The following GALNT18 variants were observed in gnomAD, a reference collection of about 807,000 sequenced individuals.
GALNT18 encodes the protein polypeptide N-acetylgalactosaminyltransferase 18.
A neutral mutation model predicts 69.5 loss-of-function variants in GALNT18; 44 were observed. That is an observed-to-expected ratio of 0.63 (90% CI 0.50 to 0.81). GALNT18 has a LOEUF of 0.81. GALNT18 is among the 40% of genes least tolerant of loss of function. The pLI is 0.00. For missense variants in GALNT18, 715 were observed against 810.0 expected (o/e 0.88, Z 1.42); for synonymous variants, 364 against 318.2 (o/e 1.14, Z -1.53).
Position 11,582,712 on chromosome 11 carries a change from A to T in GALNT18, c.235+38647T>A, listed in dbSNP as rs1055076698. On this transcript the variant is annotated intron_variant, in intron 1 of 10. Coordinates refer to ENST00000227756, the MANE Select transcript of GALNT18 (RefSeq NM_198516.3). The surrounding 1 kb of genome is among the most constrained non-coding windows in gnomAD (Gnocchi z 5.0). ...GTTGCTCCAGCATAACCCAGTGGAA[A>T]CTAACCAACACAGCCTTTCAGCCCT... 1.3e-5 allele frequency among the ~76,000 whole-genome samples: 2 copies of T among 152,258 alleles called. No individual in the cohort carries two copies. The highest frequency in any genetic ancestry group is 6.5e-5 in the Admixed American group (1 of 15,292).
At chr11:11,277,021 C>A (rs964564876) in intron 10 of GALNT18, among the ~76,000 whole-genome samples, 8 of 152,142 alleles carry the variant, frequency 5.3e-5, no homozygotes, top group African/African-American at 1.9e-4. Flanking sequence ...TGCTGCTGGC[C>A]TCATAAAATG....
At chr11:11,571,335 G>T (rs536711659) in intron 1 of GALNT18, among the ~76,000 whole-genome samples, 2 of 152,336 alleles carry the variant, frequency 1.3e-5, no homozygotes, top group African/African-American at 4.8e-5. Flanking sequence ...ACTTTGTGTG[G>T]TGGAAACAGA....
chr11:11,415,781 G>A lies in GALNT18; in HGVS notation c.595+16840C>T, dbSNP rs1854841022. 6.6e-6 allele frequency among the ~76,000 whole-genome samples: 1 copy of A among 152,134 alleles called. No individual in the cohort carries two copies. The highest frequency in any genetic ancestry group is 2.1e-4 in the South Asian group (1 of 4,824). On this transcript the variant is annotated intron_variant, in intron 3 of 10. Transcript: ENST00000227756. The surrounding 1 kb of genome is among the most constrained non-coding windows in gnomAD (Gnocchi z 4.1). ...TCCACCCATCTCATTTGCAAAGCAGGAGGGTGGGATTTGTTTTTCCTGCCA... is the reference window on the plus strand; with the variant it reads ...TCCACCCATCTCATTTGCAAAGCAGAAGGGTGGGATTTGTTTTTCCTGCCA...
At position 11,601,954 on chromosome 11, in the gene GALNT18, C is replaced by A. The variant is rs1401722092; in HGVS notation, c.235+19405G>T. 4.6e-5 allele frequency among the ~76,000 whole-genome samples: 7 copies of A among 152,270 alleles called. No homozygotes were observed. In the East Asian group the frequency reaches 1.2e-3, roughly 25 times the overall value. On this transcript the variant is annotated intron_variant, in intron 1 of 10. Transcript: ENST00000227756. The surrounding 1 kb of genome is among the most constrained non-coding windows in gnomAD (Gnocchi z 4.0). ...TACTGTGCTAGGTCGTCTAGCTGGC[C>A]TACTCTGTTTGTTTTGTTGCTATTA...
At chr11:11,576,593 G>A (rs4243938) in intron 1 of GALNT18, among the ~76,000 whole-genome samples, 143,971 of 152,278 alleles carry the variant, frequency 0.95, 68,172 homozygotes, top group South Asian at 0.99. Context: ...TGATTATCCC[G>A]TTCCACAGAT....
At position 11,606,279 on chromosome 11, in the gene GALNT18, G is replaced by A. The variant is rs931029680; in HGVS notation, c.235+15080C>T. ...GACAAACTGGAAAACAGGAAAAACC[G>A]GACCCAGTCTCCACCTTTAAGTAAC... is the stretch of plus-strand genomic sequence containing the variant. On this transcript the variant is annotated intron_variant, in intron 1 of 10. Transcript: ENST00000227756. The surrounding 1 kb of genome is among the most constrained non-coding windows in gnomAD (Gnocchi z 5.4). 5.9e-5 allele frequency among the ~76,000 whole-genome samples: 9 copies of A among 152,072 alleles called. No individual in the cohort carries two copies. The highest frequency in any genetic ancestry group is 8.8e-5 in the Non-Finnish European group (6 of 68,016).
rs1477928273 is a variant in GALNT18 at position 11,542,430 on chromosome 11, A to C, written c.235+78929T>G. Among the ~76,000 whole-genome samples, 1 of 152,198 alleles carries C rather than the reference A, an allele frequency of 6.6e-6. No homozygotes were observed. Among genetic ancestry groups the C allele is most frequent in the African/African-American group, 2.4e-5 (1 of 41,442 alleles). On this transcript the variant is annotated intron_variant, in intron 1 of 10. Transcript: ENST00000227756. This position sits in a 1 kb window ranked among gnomAD's most constrained non-coding sequence, Gnocchi z 4.3. ...TATCTGTCTCCACCCTGTACCACCC[A>C]TTCCAGCAAAGGCCACAGTGCTGGC...
At chr11:11,475,049 G>A (rs544508298) in intron 1 of GALNT18, 1 of 152,224 alleles carries the variant, frequency 6.6e-6, no homozygotes, top group South Asian at 2.1e-4. Context: ...ATCTTTTAGG[G>A]GAAAATATCG....
intron 1 of GALNT18, among the ~76,000 whole-genome samples, chr11:11,483,998 A>T (rs548562160): frequency 1.3e-5 from 2 of 152,062 alleles, no homozygotes; most frequent in Non-Finnish European, 2.9e-5. Flanking sequence ...TCCAATGTGT[A>T]ACCCCCTCCC....
At chr11:11,571,774 G>GA (rs914855170) in intron 1 of GALNT18, among the ~76,000 whole-genome samples, 4 of 151,574 alleles carry the variant, frequency 2.6e-5, no homozygotes, top group African/African-American at 7.3e-5. Flanking sequence ...CAATGACCTG[G>GA]AAAAAAAAAT....
intron 1 of GALNT18, among the ~76,000 whole-genome samples, chr11:11,561,846 G>A (rs965085993): frequency 6.6e-6 from 1 of 152,254 alleles, no homozygotes; most frequent in Admixed American, 6.5e-5. Flanking sequence ...CCGGGCAGGG[G>A]AATTAATAGT....
intron 3 of GALNT18, among the ~76,000 whole-genome samples, chr11:11,431,304 G>T (rs1191108469): frequency 1.2e-4 from 18 of 152,142 alleles, no homozygotes; most frequent in Admixed American, 1.2e-3. Context: ...GATAGAGTGT[G>T]TGGGGCAGGC....
chr11:11,539,757 A>G (rs1020508537), intron 1 of GALNT18, among the ~76,000 whole-genome samples: 2 of 152,214 alleles, frequency 1.3e-5, no homozygotes, highest in Non-Finnish European at 2.9e-5. Context: ...AAGACTGGAA[A>G]AAAGGCTGTG....
At chr11:11,327,054 C>T (rs754618893) in intron 9 of GALNT18, 32 bp downstream of exon 9, 20 of 1,494,710 alleles carry the variant, frequency 1.3e-5, no homozygotes, top group Non-Finnish European at 1.9e-5. Flanking sequence ...CATATGCACA[C>T]TCCTGGCACA....
intron 1 of GALNT18, among the ~76,000 whole-genome samples, chr11:11,517,758 T>C (rs563347747): frequency 1.3e-5 from 2 of 152,158 alleles, no homozygotes; most frequent in South Asian, 2.1e-4. Context: ...TCTAGGACCA[T>C]CTCTTCTCAC....
chr11:11,424,059 G>A (rs1464297714), intron 3 of GALNT18, among the ~76,000 whole-genome samples: 1 of 152,198 alleles, frequency 6.6e-6, no homozygotes, highest in African/African-American at 2.4e-5. Flanking sequence ...CTAGCTGAGT[G>A]GTGCCCAGCT....
intron 1 of GALNT18, among the ~76,000 whole-genome samples, chr11:11,449,337 C>A (rs1001282343): frequency 3.3e-5 from 5 of 152,174 alleles, no homozygotes; most frequent in Non-Finnish European, 7.4e-5. Context: ...AATTCCCAAG[C>A]CCACCCCACA....
chr11:11,285,295 T>G (rs547741784), intron 10 of GALNT18, among the ~76,000 whole-genome samples: 286 of 152,278 alleles, frequency 1.9e-3, no homozygotes, highest in Non-Finnish European at 3.2e-3. Flanking sequence ...ACTTAATCTC[T>G]CCATGCCTCA....
Position 11,483,166 on chromosome 11 carries a change from C to A in GALNT18, c.236-34230G>T, listed in dbSNP as rs1052051095. On this transcript the variant is annotated intron_variant, in intron 1 of 10. Coordinates refer to ENST00000227756, the MANE Select transcript of GALNT18 (RefSeq NM_198516.3). The stretch of plus-strand genomic sequence containing the variant: ...CTGCTGTGCCTAAGAGAGGGACTGT[C>A]TTGCCTCCTTGCCTCTATGCCTGCT... 1.4e-4 allele frequency among the ~76,000 whole-genome samples: 16 copies of A among 114,906 alleles called. 1 individual carries two copies. In the East Asian group the frequency reaches 4.0e-3, roughly 29 times the overall value. 75.4% of individuals were successfully genotyped at this position (114,906 alleles called of 152,430 possible).
Sources: gnomAD v4.1 joint callset for allele counts (sites outside exome capture counted in the v4.1 genomes callset) on GRCh38, gnomAD v4.1.1 for gene constraint, Gnocchi (gnomAD v3.1) non-coding constraint, MANE v1.5 for transcripts, NCBI Gene and HGNC (gene_info 2026-07-23, HGNC 2026-07-21) for gene names.